The following TLE4 variants were observed in gnomAD, a reference collection of about 807,000 sequenced individuals.
TLE4 encodes transducin-like enhancer protein 4.
In TLE4, 8 loss-of-function variants were observed where a neutral mutation model predicts 92.8. The ratio of observed to expected loss-of-function variants is 0.09; its 90% CI spans 0.05 to 0.16. The LOEUF is 0.16. Among genes scored for constraint, TLE4 ranks in the 10% least tolerant of loss-of-function variants. The probability of loss-of-function intolerance (pLI) is 1.00; values close to 1 mark genes in which losing one functional copy is unlikely to be tolerated. For missense variants in TLE4, 675 were observed against 997.6 expected, an observed-to-expected ratio of 0.68 and a Z score of 4.36; for synonymous variants, 371 against 374.1, an observed-to-expected ratio of 0.99 and a Z score of 0.10.
At chr9:79,716,486 C>T (rs553404798) in intron 14 of TLE4, among the ~76,000 whole-genome samples, 1 of 152,246 alleles carries the variant, frequency 6.6e-6, no homozygotes, top group African/African-American at 2.4e-5. Flanking sequence ...ACCTGTTTTC[C>T]TCTCTAGGAT....
At chr9:79,676,618 A>T (rs1267952889) in intron 8 of TLE4, among the ~76,000 whole-genome samples, 1 of 152,114 alleles carries the variant, frequency 6.6e-6, no homozygotes, top group Non-Finnish European at 1.5e-5. Context: ...AAATATGTGG[A>T]AAGAGAGAAA....
At chr9:79,694,052 C>T (rs937183819) in intron 8 of TLE4, among the ~76,000 whole-genome samples, 3 of 152,140 alleles carry the variant, frequency 2.0e-5, no homozygotes, top group Non-Finnish European at 4.4e-5. Flanking sequence ...GGTCAACAAC[C>T]TCTTTAGCCC....
intron 1 of TLE4, chr9:79,573,354 G>T: frequency 8.9e-7 from 1 of 1,121,778 alleles, no homozygotes; most frequent in Non-Finnish European, 1.1e-6. Context: ...CCCCCGACGG[G>T]CCAGTTTCGA....
chr9:79,653,508 G>C (rs908778612), intron 7 of TLE4, among the ~76,000 whole-genome samples: 1 of 152,180 alleles, frequency 6.6e-6, no homozygotes, highest in Non-Finnish European at 1.5e-5. Context: ...GGTGCTTACT[G>C]ATAATTTTTA....
At chr9:79,716,377 G>A (rs1387504399) in intron 14 of TLE4, among the ~76,000 whole-genome samples, 1 of 152,202 alleles carries the variant, frequency 6.6e-6, no homozygotes. Flanking sequence ...GACTGCCACT[G>A]TGTGCTCCCC....
At chr9:79,574,133 A>G (rs947289686) in intron 2 of TLE4, 1 of 170,040 alleles carries the variant, frequency 5.9e-6, no homozygotes, top group South Asian at 2.0e-4. Context: ...ATTACTCCGG[A>G]CTTGATTCCT....
chr9:79,656,771 A>G (rs769974062), intron 8 of TLE4, among the ~76,000 whole-genome samples: 1 of 152,224 alleles, frequency 6.6e-6, no homozygotes, highest in African/African-American at 2.4e-5. Flanking sequence ...TAAACAGGGC[A>G]GATTTCAGAA....
chr9:79,604,184 A>C (rs1237630708), intron 4 of TLE4, among the ~76,000 whole-genome samples: 1 of 152,088 alleles, frequency 6.6e-6, no homozygotes, highest in African/African-American at 2.4e-5. Context: ...CTGAGACTTA[A>C]ATGATGGGTG....
Position 79,722,618 on chromosome 9 carries a change from TG to T in TLE4, c.2137+18del. The T allele has an allele frequency of 6.2e-7, 1 of 1,611,646 alleles. No individual in the cohort carries two copies. Among genetic ancestry groups the T allele is most frequent in the Non-Finnish European group, 8.5e-7 (1 of 1,178,944 alleles). The stretch of plus-strand genomic sequence containing the variant: ...CCCATTGTGGTAAGCAAGCACCTTT[TG>T]TCCATTTTCTGTCAACCAGAATTGC... On this transcript the variant is annotated intron_variant, in intron 18 of 19. Transcript: ENST00000376552.
At chr9:79,705,034 G>A in intron 9 of TLE4, 132 bp downstream of exon 9, 2 of 1,344,422 alleles carry the variant, frequency 1.5e-6, no homozygotes, top group Admixed American at 2.1e-5. Context: ...AACATTTATT[G>A]TATTTATAGC....
intron 6 of TLE4, chr9:79,649,899 T>C (rs756281060): frequency 7.5e-7 from 1 of 1,341,904 alleles, no homozygotes; most frequent in Non-Finnish European, 9.9e-7. Context: ...GTTGTTGTTG[T>C]TGTTTTTTTG....
rs528637552 is a variant in TLE4 at position 79,605,973 on chromosome 9, A to T, written c.253-6683A>T. ...TGGGGGTTGTGAAAAGAGATTCAAT[A>T]TTGACACTTTCACATTGTTTAAGAT... On this transcript the variant is annotated intron_variant, in intron 4 of 19. Coordinates refer to ENST00000376552, the MANE Select transcript of TLE4 (RefSeq NM_007005.6). Among the ~76,000 whole-genome samples, 11 of 152,134 alleles carry T rather than the reference A, an allele frequency of 7.2e-5. No homozygotes were observed. In the South Asian group the frequency reaches 2.3e-3, roughly 32 times the overall value.
At position 79,708,428 on chromosome 9, in the gene TLE4, C is replaced by G. The variant is rs181474573; in HGVS notation, c.1070-165C>G. Among the ~76,000 whole-genome samples, 40 of 152,260 alleles carry G rather than the reference C, an allele frequency of 2.6e-4. 1 individual carries two copies. Among genetic ancestry groups the G allele is most frequent in the African/African-American group, 8.9e-4 (37 of 41,534 alleles). ...CCTTGTCTGGCACATGGTAAGTGTT[C>G]AATAGAACAAAGTGAATGAGTGAAT... On this transcript the variant is annotated intron_variant, in intron 12 of 19. Coordinates refer to ENST00000376552, the MANE Select transcript of TLE4 (RefSeq NM_007005.6).
intron 4 of TLE4, among the ~76,000 whole-genome samples, chr9:79,610,951 C>T (rs58819378): frequency 0.025 from 3,827 of 151,156 alleles, 71 homozygotes; most frequent in African/African-American, 0.049. Flanking sequence ...AACATAATGA[C>T]GAAAATATGC....
intron 5 of TLE4, among the ~76,000 whole-genome samples, chr9:79,625,824 A>G (rs928396605): frequency 1.3e-5 from 2 of 151,410 alleles, no homozygotes; most frequent in African/African-American, 2.4e-5. Context: ...CATGTTAGCA[A>G]ATATTATAAG....
At chr9:79,665,647 C>A (rs933613987) in intron 8 of TLE4, among the ~76,000 whole-genome samples, 8 of 152,154 alleles carry the variant, frequency 5.3e-5, no homozygotes, top group African/African-American at 1.9e-4. Flanking sequence ...GACTCCCAAT[C>A]GGGATATGGG....
chr9:79,660,657 G>A (rs909630058), intron 8 of TLE4, among the ~76,000 whole-genome samples: 2 of 152,204 alleles, frequency 1.3e-5, no homozygotes, highest in African/African-American at 4.8e-5. Flanking sequence ...AATCTATGAT[G>A]CAGTAATTTG....
At chr9:79,702,784 C>A (rs994797037) in intron 8 of TLE4, among the ~76,000 whole-genome samples, 1 of 152,190 alleles carries the variant, frequency 6.6e-6, no homozygotes, top group Non-Finnish European at 1.5e-5. Context: ...CTCTCTCCCC[C>A]ACCAAACTCC....
intron 8 of TLE4, among the ~76,000 whole-genome samples, chr9:79,690,068 C>G (rs907744772): frequency 2.0e-5 from 3 of 151,648 alleles, no homozygotes; most frequent in African/African-American, 7.2e-5. Context: ...TCATTCCAAC[C>G]ATGACCCCAT....
Sources: allele counts gnomAD v4.1 joint callset (sites outside exome capture counted in the v4.1 genomes callset), GRCh38; gene constraint gnomAD v4.1.1; transcripts MANE v1.5; gene names NCBI Gene and HGNC (gene_info 2026-07-23, HGNC 2026-07-21).